SCYL2: variants seen among roughly 807,000 people sequenced by gnomAD.
The protein encoded by SCYL2 is SCY1 like pseudokinase 2, also known as SCY1-like protein 2.
In SCYL2, 36 loss-of-function variants were observed where a neutral mutation model predicts 100.4. That is an observed-to-expected ratio of 0.36 (90% confidence interval 0.27 to 0.47). The LOEUF (loss-of-function observed/expected upper bound fraction) is 0.47, where lower values mean the gene tolerates loss of function less well. Among genes scored for constraint, SCYL2 ranks in the 20% least tolerant of loss-of-function variants. The pLI, the probability that SCYL2 is intolerant of heterozygous loss-of-function variation, is 1.00. For missense variants in SCYL2, 902 were observed against 1,083.9 expected (o/e 0.83, Z 2.36); for synonymous variants, 330 against 359.2 (o/e 0.92, Z 0.92).
chr12:100,290,050 C>T (rs1042355660), intron 2 of SCYL2, among the ~76,000 whole-genome samples: 2 of 152,130 alleles, frequency 1.3e-5, no homozygotes, highest in Admixed American at 6.5e-5. Context: ...GGTGTAACGA[C>T]GTTAGCTAAC....
At chr12:100,272,489 A>G (rs1275614097) in intron 1 of SCYL2, among the ~76,000 whole-genome samples, 1 of 152,150 alleles carries the variant, frequency 6.6e-6, no homozygotes, top group Non-Finnish European at 1.5e-5. Context: ...ATAGTCTACC[A>G]TACTGGCTCA....
At chr12:100,298,803 C>T (rs1422425781) in intron 4 of SCYL2, among the ~76,000 whole-genome samples, 3 of 152,256 alleles carry the variant, frequency 2.0e-5, no homozygotes, top group Non-Finnish European at 4.4e-5. Context: ...AGGCTGGTCT[C>T]GAACTCCTGA....
chr12:100,298,928 T>C (rs969425469), intron 4 of SCYL2, among the ~76,000 whole-genome samples: 8 of 152,070 alleles, frequency 5.3e-5, no homozygotes, highest in African/African-American at 1.7e-4. Flanking sequence ...TTTCCCTGCT[T>C]ACCAAAATAA....
At chr12:100,305,432 A>G (rs181450936) in intron 4 of SCYL2, among the ~76,000 whole-genome samples, 15 of 152,352 alleles carry the variant, frequency 9.8e-5, no homozygotes, top group East Asian at 9.6e-4. Context: ...TTAAGGCAGA[A>G]ATAAATAAGT....
intron 2 of SCYL2, among the ~76,000 whole-genome samples, chr12:100,283,542 A>G (rs1279257769): frequency 6.6e-6 from 1 of 152,154 alleles, no homozygotes; most frequent in African/African-American, 2.4e-5. Context: ...TAAATTTTTC[A>G]ACGTTAAGTG....
chr12:100,304,318 T>A (rs1175803127), intron 4 of SCYL2, among the ~76,000 whole-genome samples: 4 of 150,440 alleles, frequency 2.7e-5, no homozygotes, highest in African/African-American at 4.9e-5. Context: ...AAAAAAAAAC[T>A]GCAGCCAGCT....
Position 100,338,730 on chromosome 12 carries a change from G to A in SCYL2, c.2348G>A (p.Gly783Glu). Residue 783 changes from glycine to glutamate, a missense_variant, in exon 18 of 18, where the codon GGA (glycine) becomes GAA (glutamate). Coordinates refer to ENST00000360820, the MANE Select transcript of SCYL2 (RefSeq NM_017988.6). The part of the protein sequence containing the change: ...LNANMGFQTS[G>E]FNMPVNTNQN... ...GCCAATATGGGCTTTCAGACTTCAG[G>A]ATTCAACATGCCCGTTAATACAAAC... 2 of 1,614,088 alleles carry A rather than the reference G, an allele frequency of 1.2e-6. No individual in the cohort carries two copies. The highest frequency in any genetic ancestry group is 1.7e-6 in the Non-Finnish European group (2 of 1,179,984).
intron 13 of SCYL2, among the ~76,000 whole-genome samples, chr12:100,330,723 C>T (rs551059489): frequency 1.3e-4 from 20 of 151,964 alleles, no homozygotes; most frequent in African/African-American, 4.3e-4. Flanking sequence ...GCTGAGTGAG[C>T]AGAGTTTTGG....
At chr12:100,332,035 A>G (rs1052584252) in intron 13 of SCYL2, among the ~76,000 whole-genome samples, 4 of 152,162 alleles carry the variant, frequency 2.6e-5, no homozygotes, top group South Asian at 2.1e-4. Flanking sequence ...GTGCTCTACT[A>G]TGGTGAAAAG....
chr12:100,320,961 T>A (rs1005743065), intron 10 of SCYL2, among the ~76,000 whole-genome samples: 1 of 152,108 alleles, frequency 6.6e-6, no homozygotes, highest in Non-Finnish European at 1.5e-5. Context: ...CAGGCTTGAG[T>A]GCAGTGGCCC....
Position 100,311,098 on chromosome 12 carries a change from A to G in SCYL2, c.535A>G (p.Ile179Val), listed in dbSNP as rs771335454. 17 of 1,605,952 alleles carry G rather than the reference A, an allele frequency of 1.1e-5. No individual in the cohort carries two copies. The highest frequency in any genetic ancestry group is 1.4e-5 in the Non-Finnish European group (16 of 1,176,824). ...HSSVKMVHGN[I>V]TPENIILNKS... ...CAGTGTGAAAATGGTGCATGGAAAT[A>G]TCACTCCTGAAAATATAATTTTGAA... Residue 179 changes from isoleucine (I) to valine (V), a missense_variant, in exon 5 of 18, where the codon ATC becomes GTC. Ile to Val is a conservative substitution (Grantham distance 29, BLOSUM62 3). Coordinates refer to ENST00000360820, the MANE Select transcript of SCYL2 (RefSeq NM_017988.6).
chr12:100,293,856 G>T (rs968988924), intron 3 of SCYL2, among the ~76,000 whole-genome samples: 1 of 152,192 alleles, frequency 6.6e-6, no homozygotes, highest in Non-Finnish European at 1.5e-5. Flanking sequence ...TAAGGTCACA[G>T]ATCAACGGGA....
chr12:100,320,313 G>A (rs994554327), intron 10 of SCYL2, among the ~76,000 whole-genome samples: 3 of 152,144 alleles, frequency 2.0e-5, no homozygotes, highest in African/African-American at 7.2e-5. Context: ...AGGAGGCCAA[G>A]GCAGGCGGAT....
rs768459897 is a variant in SCYL2 at position 100,341,574 on chromosome 12, T to G, written c.*2402T>G. 2.0e-5 allele frequency: 3 copies of G among 152,100 alleles called. No individual in the cohort carries two copies. Among genetic ancestry groups the G allele is most frequent in the Non-Finnish European group, 4.4e-5 (3 of 68,014 alleles). 9.4% of individuals were successfully genotyped at this position (152,100 alleles called of 1,614,324 possible). On this transcript the variant is annotated 3_prime_UTR_variant, in exon 18 of 18. Coordinates refer to ENST00000360820, the MANE Select transcript of SCYL2 (RefSeq NM_017988.6). ...GAATGCTTATAAGCCTCCTTTACAC[T>G]GAATAAGGAAGTAGTTTTTGTTTTC...
chr12:100,337,860 G>A (rs1952299338), intron 17 of SCYL2, among the ~76,000 whole-genome samples: 15 of 152,128 alleles, frequency 9.9e-5, no homozygotes. Flanking sequence ...TTCTGTGTTT[G>A]ACTTTTCAAT....
At position 100,295,346 on chromosome 12, in the gene SCYL2, C is replaced by T. The variant is rs562254544; in HGVS notation, c.336-2685C>T. Among the ~76,000 whole-genome samples, 14 of 152,300 alleles carry T rather than the reference C, an allele frequency of 9.2e-5. No homozygotes were observed. The South Asian group carries it at 1.5e-3, about 16-fold the overall frequency. ...CGGCACTTTGGGAGGCCAAGGCAGGCGGCTGGGAGGTAGAGGTTGTAGCGA... is the reference window on the plus strand; with the variant it reads ...CGGCACTTTGGGAGGCCAAGGCAGGTGGCTGGGAGGTAGAGGTTGTAGCGA... On this transcript the variant is annotated intron_variant, in intron 3 of 17. Coordinates refer to ENST00000360820, the MANE Select transcript of SCYL2 (RefSeq NM_017988.6).
At chr12:100,276,485 A>G (rs140573945) in intron 1 of SCYL2, among the ~76,000 whole-genome samples, 282 of 152,116 alleles carry the variant, frequency 1.9e-3, no homozygotes, top group African/African-American at 6.3e-3. Context: ...AGCACACACC[A>G]CTATGCCCTG....
intron 14 of SCYL2, 96 bp downstream of exon 14, chr12:100,334,362 G>T: frequency 5.2e-6 from 4 of 769,348 alleles, no homozygotes; most frequent in South Asian, 1.5e-5. Flanking sequence ...AAACTTGCTG[G>T]ATTTAAATTT....
At chr12:100,320,313 G>C (rs994554327) in intron 10 of SCYL2, among the ~76,000 whole-genome samples, 2 of 152,144 alleles carry the variant, frequency 1.3e-5, no homozygotes. Flanking sequence ...AGGAGGCCAA[G>C]GCAGGCGGAT....
Sources: gnomAD v4.1 joint callset for allele counts (sites outside exome capture counted in the v4.1 genomes callset) on GRCh38, gnomAD v4.1.1 for gene constraint, MANE v1.5 for transcripts, NCBI Gene and HGNC (gene_info 2026-07-23, HGNC 2026-07-21) for gene names.